BTBD9: variants seen among roughly 807,000 people sequenced by gnomAD.
The protein encoded by BTBD9 is BTB/POZ domain-containing protein 9.
BTBD9 carries 49 observed loss-of-function variants against 64.3 expected under a neutral mutation model. The observed-to-expected ratio is 0.76, with a 90% CI of 0.61 to 0.97. The LOEUF is 0.97. Among genes scored for constraint, BTBD9 ranks in the 50% least tolerant of loss-of-function variants. The probability of loss-of-function intolerance (pLI) is 0.00; values close to 1 mark genes in which losing one functional copy is unlikely to be tolerated. For synonymous variants in BTBD9, 260 were observed against 274.7 expected (o/e 0.95, Z 0.53); for missense variants, 598 against 762.1 (o/e 0.78, Z 2.53).
chr6:38,204,432 G>A (rs368579538), intron 9 of BTBD9, among the ~76,000 whole-genome samples: 6 of 152,098 alleles, frequency 3.9e-5, no homozygotes, highest in African/African-American at 2.4e-5. Flanking sequence ...TGATGAACCC[G>A]CTAAGTGAAA....
chr6:38,636,728 C>T (rs1052518582), intron 1 of BTBD9, among the ~76,000 whole-genome samples: 1 of 152,176 alleles, frequency 6.6e-6, no homozygotes, highest in Non-Finnish European at 1.5e-5. Context: ...TGGCTCTCCA[C>T]TGCCAATGGA....
At chr6:38,550,105 C>T (rs530141555) in intron 6 of BTBD9, among the ~76,000 whole-genome samples, 1 of 152,224 alleles carries the variant, frequency 6.6e-6, no homozygotes, top group South Asian at 2.1e-4. Flanking sequence ...CAGACTTCTC[C>T]CTTGGACGTT....
Position 38,343,421 on chromosome 6 carries a change from CTGAGCTGAAATGAG to C in BTBD9, c.1264+1549_1264+1562del. The stretch of plus-strand genomic sequence containing the variant: ...TGCAGCATGTTCAAAATGCAGTGCT[CTGAGCTGAAATGAG>C]TAGCCAAATGCTACACATCTTGTAA... On this transcript the variant is annotated intron_variant, in intron 7 of 10. Coordinates refer to ENST00000481247, the MANE Select transcript of BTBD9 (RefSeq NM_001099272.2). Among the ~76,000 whole-genome samples the C allele has an allele frequency of 1.3e-5, 2 of 152,270 alleles. 1 individual carries two copies.
intron 8 of BTBD9, among the ~76,000 whole-genome samples, chr6:38,261,537 G>A (rs566164281): frequency 3.9e-4 from 60 of 152,154 alleles, no homozygotes; most frequent in African/African-American, 1.4e-3. Context: ...TTAACTTATT[G>A]AGCTTGAACA....
chr6:38,504,495 T>C (rs1772371257), intron 6 of BTBD9: 1 of 456,244 alleles, frequency 2.2e-6, no homozygotes, highest in South Asian at 1.6e-5. Flanking sequence ...TCCTCTTACC[T>C]TTTGAGGACT....
intron 6 of BTBD9, among the ~76,000 whole-genome samples, chr6:38,510,229 A>C (rs1054304463): frequency 6.6e-6 from 1 of 152,248 alleles, no homozygotes; most frequent in African/African-American, 2.4e-5. Flanking sequence ...CTATACACCA[A>C]GGCTAGATGG....
chr6:38,285,679 A>G (rs994202430), intron 8 of BTBD9, among the ~76,000 whole-genome samples: 1 of 152,174 alleles, frequency 6.6e-6, no homozygotes, highest in South Asian at 2.1e-4. Context: ...AATAAAGAGA[A>G]AATTGAAGTC....
intron 4 of BTBD9, chr6:38,588,141 GT>G: frequency 2.7e-6 from 2 of 752,510 alleles, no homozygotes; most frequent in South Asian, 2.9e-5. Flanking sequence ...CAACAGTATG[GT>G]ATTCAGTATT....
At chr6:38,213,314 C>T (rs1462343138) in intron 9 of BTBD9, among the ~76,000 whole-genome samples, 1 of 152,034 alleles carries the variant, frequency 6.6e-6, no homozygotes, top group Non-Finnish European at 1.5e-5. Flanking sequence ...CCATTAAGGG[C>T]CTGATATTTG....
intron 7 of BTBD9, 93 bp from the exon 8 acceptor site, chr6:38,288,554 T>A (rs1761835975): frequency 1.0e-6 from 1 of 973,822 alleles, no homozygotes; most frequent in Non-Finnish European, 1.5e-6. Context: ...AATTGCTATC[T>A]CAAATCAATG....
intron 6 of BTBD9, among the ~76,000 whole-genome samples, chr6:38,426,252 C>T (rs1768142153): frequency 6.6e-6 from 1 of 151,904 alleles, no homozygotes; most frequent in African/African-American, 2.4e-5. Flanking sequence ...CAACTCAGCT[C>T]ACACCCAACC....
rs926147325 is a variant in BTBD9, at chr6:38,307,932, A to G, written c.1265-19471T>C. On this transcript the variant is annotated intron_variant, in intron 7 of 10. Coordinates refer to ENST00000481247, the MANE Select transcript of BTBD9 (RefSeq NM_001099272.2). ...TAAGAAATCAGAGATGGTTATCCCC[A>G]GGGACAGAAGTGAGGTGATGTGGCA... Among the ~76,000 whole-genome samples, 77 of 152,342 alleles carry G rather than the reference A, an allele frequency of 5.1e-4. 2 individuals carry two copies. Among genetic ancestry groups the G allele is most frequent in the East Asian group, 2.3e-3 (12 of 5,188 alleles).
At chr6:38,192,907 G>A (rs1039218417) in intron 9 of BTBD9, among the ~76,000 whole-genome samples, 1 of 123,974 alleles carries the variant, frequency 8.1e-6, no homozygotes, top group South Asian at 3.3e-4. Context: ...TTACAACAAG[G>A]GGTGGGGGGA....
intron 6 of BTBD9, among the ~76,000 whole-genome samples, chr6:38,457,169 G>C (rs2127346419): frequency 6.6e-6 from 1 of 152,320 alleles, no homozygotes; most frequent in South Asian, 2.1e-4. Flanking sequence ...CAAAGAAGCA[G>C]AGGCAGACAG....
chr6:38,290,514 T>C (rs2127556774), intron 7 of BTBD9, among the ~76,000 whole-genome samples: 1 of 152,238 alleles, frequency 6.6e-6, no homozygotes, highest in African/African-American at 2.4e-5. Flanking sequence ...ACTCTCTCAG[T>C]GGCTTAACAT....
intron 1 of BTBD9, among the ~76,000 whole-genome samples, chr6:38,622,248 G>A (rs1454060311): frequency 6.6e-6 from 1 of 152,204 alleles, no homozygotes. Context: ...GGGGAGCACT[G>A]GCAGTTAGAC....
At chr6:38,442,149 A>G (rs1769061835) in intron 6 of BTBD9, among the ~76,000 whole-genome samples, 1 of 152,120 alleles carries the variant, frequency 6.6e-6, no homozygotes, top group Admixed American at 6.5e-5. Flanking sequence ...GTTAGGCTCC[A>G]TTGCTGTTTT....
intron 10 of BTBD9, among the ~76,000 whole-genome samples, chr6:38,181,269 T>A (rs1761542104): frequency 6.6e-6 from 1 of 152,234 alleles, no homozygotes; most frequent in Admixed American, 6.5e-5. Context: ...CTGAATAATT[T>A]CCACAGACTG....
chr6:38,276,279 C>T (rs945064226), intron 8 of BTBD9, among the ~76,000 whole-genome samples: 6 of 147,476 alleles, frequency 4.1e-5, no homozygotes, highest in Non-Finnish European at 7.4e-5. Context: ...TGTTCTCACT[C>T]ATAGGTGGGA....
Sources: allele counts gnomAD v4.1 joint callset (sites outside exome capture counted in the v4.1 genomes callset), GRCh38; gene constraint gnomAD v4.1.1; transcripts MANE v1.5; gene names NCBI Gene and HGNC (gene_info 2026-07-23, HGNC 2026-07-21).